DIAPH2: variants seen among roughly 807,000 people sequenced by gnomAD.
DIAPH2 encodes diaphanous related formin 2, also known as protein diaphanous homolog 2.
Under a neutral mutation model 92.7 loss-of-function variants are expected in DIAPH2, and 35 were observed. The observed-to-expected ratio is 0.38, with a 90% CI of 0.29 to 0.50. The LOEUF (loss-of-function observed/expected upper bound fraction) is 0.50, where lower values mean the gene tolerates loss of function less well. Ranked by LOEUF, DIAPH2 falls within the 20% of genes least tolerant of loss-of-function variation. The pLI, the probability that DIAPH2 is intolerant of heterozygous loss-of-function variation, is 0.94. For synonymous variants in DIAPH2, 301 were observed against 280.4 expected (o/e 1.07, Z -0.73); for missense variants, 701 against 819.5 (o/e 0.86, Z 1.77).
intron 17 of DIAPH2, among the ~76,000 whole-genome samples, chrX:97,007,863 C>T (rs1227632187): frequency 9.8e-6 from 1 of 101,700 alleles, no homozygotes; most frequent in East Asian, 3.1e-4. Context: ...CCCAGGTTCA[C>T]GCCATTCTCC....
At chrX:96,984,962 A>G (rs769975132) in intron 17 of DIAPH2, among the ~76,000 whole-genome samples, 1 of 111,566 alleles carries the variant, frequency 9.0e-6, no homozygotes, top group African/African-American at 3.3e-5. Flanking sequence ...AGGGGAGATA[A>G]CTGGGTCATG....
intron 24 of DIAPH2, among the ~76,000 whole-genome samples, chrX:97,371,070 C>T (rs763286996): frequency 9.0e-6 from 1 of 111,701 alleles, no homozygotes; most frequent in East Asian, 2.8e-4. Context: ...AGTATTGTTT[C>T]CAGCTTTGTC....
At chrX:97,185,460 TATATATATATACAC>T (rs1569323322) in intron 22 of DIAPH2, among the ~76,000 whole-genome samples, 11 of 47,724 alleles carry the variant, frequency 2.3e-4, no homozygotes, top group African/African-American at 9.7e-4. Context: ...TGTGTGTATA[TATATATATATACAC>T]ATATATATAT....
At chrX:96,820,153 A>G (rs1367005494) in intron 4 of DIAPH2, among the ~76,000 whole-genome samples, 1 of 112,209 alleles carries the variant, frequency 8.9e-6, no homozygotes, top group Non-Finnish European at 1.9e-5. Context: ...TATGAGTGAG[A>G]AAAGGCTGAT....
At chrX:97,285,910 T>C in intron 23 of DIAPH2, among the ~76,000 whole-genome samples, 1 of 110,666 alleles carries the variant, frequency 9.0e-6, no homozygotes, top group Non-Finnish European at 1.9e-5. Flanking sequence ...TGTTACTTCT[T>C]TAATATTTAT....
At chrX:97,005,414 G>A (rs766990330) in intron 17 of DIAPH2, among the ~76,000 whole-genome samples, 2 of 109,283 alleles carry the variant, frequency 1.8e-5, no homozygotes, top group Non-Finnish European at 3.8e-5. Flanking sequence ...CAGTGAAACC[G>A]TCTCTCGGAT....
intron 7 of DIAPH2, among the ~76,000 whole-genome samples, chrX:96,914,389 A>G (rs761091127): frequency 3.6e-5 from 4 of 111,396 alleles, no homozygotes; most frequent in Non-Finnish European, 3.8e-5. Context: ...TCTTTCGTCA[A>G]TTGAGGGAAA....
chrX:97,482,926 G>C (rs182315903), intron 26 of DIAPH2, among the ~76,000 whole-genome samples: 24 of 111,217 alleles, frequency 2.2e-4, no homozygotes, highest in Admixed American at 1.6e-3. Context: ...GCTCTGGGGT[G>C]GGGGGAGTAG....
intron 24 of DIAPH2, among the ~76,000 whole-genome samples, chrX:97,373,254 A>C (rs1457870048): frequency 1.8e-5 from 2 of 110,996 alleles, no homozygotes; most frequent in Non-Finnish European, 3.8e-5. Flanking sequence ...ATAGATGATT[A>C]GAAAGAAACT....
At chrX:96,851,924 T>G (rs920827533) in intron 4 of DIAPH2, among the ~76,000 whole-genome samples, 2 of 112,246 alleles carry the variant, frequency 1.8e-5, no homozygotes, top group African/African-American at 6.5e-5. Flanking sequence ...ATATATATTG[T>G]AAGAATTCCA....
chrX:96,789,262 G>A (rs1255535520), intron 4 of DIAPH2, among the ~76,000 whole-genome samples: 1 of 111,988 alleles, frequency 8.9e-6, no homozygotes, highest in African/African-American at 3.2e-5. Flanking sequence ...TAGAGAGTCA[G>A]TGCCCAAGGT....
chrX:97,282,071 A>G (rs776818047), intron 23 of DIAPH2, among the ~76,000 whole-genome samples: 1 of 111,117 alleles, frequency 9.0e-6, no homozygotes, highest in Non-Finnish European at 1.9e-5. Context: ...AAATTTATTT[A>G]CTAAGTATTC....
In DIAPH2 at chrX:97,600,235, C is replaced by T. The variant is rs2071584748; in HGVS notation, c.*918C>T. The T allele has an allele frequency of 9.0e-6, 1 of 111,714 alleles. No individual in the cohort carries two copies. Among genetic ancestry groups the T allele is most frequent in the Non-Finnish European group, 1.9e-5 (1 of 53,009 alleles). The allele number at this position is 111,714 out of a possible 1,213,427, so 9.2% of individuals were successfully genotyped here. A position where few individuals can be genotyped will look rare whatever the true frequency, so the allele number is the denominator to read the frequency against. ...GGTTTATTTCTTTTTTCTATTGCTT[C>T]TTTCTCCCTTGAGTCCCTTGAAGGC... On this transcript the variant is annotated 3_prime_UTR_variant, in exon 27 of 27. Coordinates refer to ENST00000324765, the MANE Select transcript of DIAPH2 (RefSeq NM_006729.5).
chrX:96,863,228 G>A (rs1484190506), intron 4 of DIAPH2, among the ~76,000 whole-genome samples: 1 of 90,521 alleles, frequency 1.1e-5, no homozygotes, highest in African/African-American at 4.0e-5. Context: ...CTTTCTTTGT[G>A]TTCTCATTAT....
intron 22 of DIAPH2, among the ~76,000 whole-genome samples, chrX:97,175,552 C>A (rs770623729): frequency 8.9e-6 from 1 of 111,874 alleles, no homozygotes; most frequent in Non-Finnish European, 1.9e-5. Context: ...CTGCTAGCTG[C>A]GAGAATGGCA....
intron 23 of DIAPH2, among the ~76,000 whole-genome samples, chrX:97,276,498 T>A (rs2147594952): frequency 9.0e-6 from 1 of 111,182 alleles, no homozygotes; most frequent in African/African-American, 3.3e-5. Context: ...TGTTTTGCAC[T>A]TCTAAGAGAT....
At chrX:97,326,324 G>T (rs1377262831) in intron 23 of DIAPH2, among the ~76,000 whole-genome samples, 3 of 111,969 alleles carry the variant, frequency 2.7e-5, no homozygotes, top group Non-Finnish European at 5.6e-5. Flanking sequence ...AATAATGTTT[G>T]TATCACTGTT....
intron 22 of DIAPH2, among the ~76,000 whole-genome samples, chrX:97,188,809 A>G (rs977931166): frequency 3.6e-5 from 4 of 112,440 alleles, no homozygotes; most frequent in Non-Finnish European, 7.5e-5. Context: ...ATGGTTTATT[A>G]TGGTAATAGA....
In DIAPH2 at chrX:96,893,323, G is replaced by C. The variant is rs923654244; in HGVS notation, c.587+11605G>C. Among the ~76,000 whole-genome samples the C allele has an allele frequency of 2.7e-5, 3 of 111,054 alleles. No individual in the cohort carries two copies. In the East Asian group the frequency reaches 8.5e-4, roughly 32 times the overall value. On this transcript the variant is annotated intron_variant, in intron 5 of 26. Coordinates refer to ENST00000324765, the MANE Select transcript of DIAPH2 (RefSeq NM_006729.5). ...CAAGTTTCTTTGTGTGGAGTGGAGA[G>C]GGGTCGGGGGGTGTTTATCAGGTAA...
Sources: allele counts gnomAD v4.1 joint callset (sites outside exome capture counted in the v4.1 genomes callset), GRCh38; gene constraint gnomAD v4.1.1; transcripts MANE v1.5; gene names NCBI Gene and HGNC (gene_info 2026-07-23, HGNC 2026-07-21).